The following IRAK1BP1 variants were observed in gnomAD, a reference collection of about 807,000 sequenced individuals.
The protein encoded by IRAK1BP1 is interleukin-1 receptor-associated kinase 1-binding protein 1.
In IRAK1BP1, 24 loss-of-function variants were observed where a neutral mutation model predicts 28.0. The ratio of observed to expected loss-of-function variants is 0.86; its 90% CI spans 0.62 to 1.20. The LOEUF (loss-of-function observed/expected upper bound fraction) is 1.20. Ranked by LOEUF, IRAK1BP1 falls within the 50% of genes most tolerant of loss-of-function variation. The pLI, the probability that IRAK1BP1 is intolerant of heterozygous loss-of-function variation, is 0.00. For synonymous variants in IRAK1BP1, 131 were observed against 116.3 expected (o/e 1.13, Z -0.81); for missense variants, 336 against 316.7 (o/e 1.06, Z -0.46).
At position 78,900,409 on chromosome 6, in the gene IRAK1BP1, A is replaced by G. The variant is rs1772055012; in HGVS notation, c.*2075A>G. The G allele has an allele frequency of 6.6e-6, 1 of 152,224 alleles. No individual in the cohort carries two copies. Among genetic ancestry groups the G allele is most frequent in the Admixed American group, 6.5e-5 (1 of 15,280 alleles). 9.4% of individuals were successfully genotyped at this position (152,224 alleles called of 1,614,324 possible). ...GTACTTTCTTACAACATATTCCAGT[A>G]TATAGTGTCCAGCTTCACCCACTTT... On this transcript the variant is annotated 3_prime_UTR_variant, in exon 4 of 4. Coordinates refer to ENST00000369940, the MANE Select transcript of IRAK1BP1 (RefSeq NM_001010844.4).
chr6:78,964,422 T>C, the IRAK1BP1 span, among the ~76,000 whole-genome samples: 2 of 152,188 alleles, frequency 1.3e-5, no homozygotes, highest in Non-Finnish European at 2.9e-5. Flanking sequence ...ATTTCTACTA[T>C]GTTAGAAATT....
the IRAK1BP1 span, among the ~76,000 whole-genome samples, chr6:78,964,824 T>C: frequency 6.6e-6 from 1 of 152,298 alleles, no homozygotes; most frequent in South Asian, 2.1e-4. Flanking sequence ...TCAAACAATA[T>C]AGAATAACGT....
At chr6:78,959,218 A>G in the IRAK1BP1 span, among the ~76,000 whole-genome samples, 3 of 152,148 alleles carry the variant, frequency 2.0e-5, no homozygotes, top group Non-Finnish European at 4.4e-5. Context: ...ATCCAAGGAC[A>G]ACTTTTGAGA....
rs1771971829 is a variant in IRAK1BP1 at position 78,898,333 on chromosome 6, GA to G, written c.*2del. 1 of 1,493,754 alleles carries G rather than the reference GA, an allele frequency of 6.7e-7. No homozygotes were observed. The highest frequency in any genetic ancestry group is 1.4e-5 in the African/African-American group (1 of 69,714). The allele number at this position is 1,493,754 out of a possible 1,614,324, so 92.5% of individuals were successfully genotyped here. On this transcript the variant is annotated frameshift_variant and stop_lost, in exon 4 of 4. Transcript: ENST00000369940. LOFTEE classifies it high-confidence loss of function. ...AAAGAGAAGAGAAAAAAGCACCTTT[GA>G]AATTCCAAACAAATTATATTGTACT... Reference protein sequence around the residue: ...KGKEKRKKHL* With the variant: ...KGKEKRKKHLX
intron 4 of IRAK1BP1, among the ~76,000 whole-genome samples, chr6:78,911,235 C>T (rs1236856733): frequency 6.6e-6 from 1 of 152,118 alleles, no homozygotes; most frequent in Non-Finnish European, 1.5e-5. Flanking sequence ...AGGGCAAATC[C>T]ATGCCAGAAC....
intron 2 of IRAK1BP1, among the ~76,000 whole-genome samples, chr6:78,894,021 A>G (rs1771792454): frequency 6.6e-6 from 1 of 152,240 alleles, no homozygotes; most frequent in Non-Finnish European, 1.5e-5. Context: ...GAACAGAAGT[A>G]CAGTGTTATA....
intron 4 of IRAK1BP1, chr6:78,940,203 C>A (rs1233862486): frequency 6.6e-6 from 1 of 152,010 alleles, no homozygotes; most frequent in African/African-American, 2.4e-5. Context: ...TTAGAGGAAA[C>A]ATTTCTTAAT....
intron 4 of IRAK1BP1, chr6:78,941,149 C>T (rs1351207556): frequency 6.2e-7 from 1 of 1,613,856 alleles, no homozygotes; most frequent in Non-Finnish European, 8.5e-7. Flanking sequence ...AATCTTCTGG[C>T]TTTGCATACT....
intron 4 of IRAK1BP1, among the ~76,000 whole-genome samples, chr6:78,930,879 C>A (rs866896328): frequency 6.6e-6 from 1 of 151,660 alleles, no homozygotes; most frequent in Admixed American, 6.6e-5. Context: ...GGCAGTGAGC[C>A]GAGATCGCAC....
At chr6:78,935,390 A>G (rs773901132) in intron 4 of IRAK1BP1, 50 of 449,710 alleles carry the variant, frequency 1.1e-4, no homozygotes, top group Non-Finnish European at 1.4e-4. Context: ...GTCAATAAAA[A>G]TGCATGCCAA....
the IRAK1BP1 span, chr6:78,957,802 A>C: frequency 6.6e-6 from 1 of 151,992 alleles, no homozygotes; most frequent in Admixed American, 6.6e-5. Flanking sequence ...GATTGCATAA[A>C]ATCCTTAAGA....
chr6:78,935,663 G>T, intron 4 of IRAK1BP1: 1 of 983,710 alleles, frequency 1.0e-6, no homozygotes, highest in South Asian at 4.7e-5. Flanking sequence ...ATTACATTTC[G>T]GCACCCAAAT....
chr6:78,955,462 G>T, the IRAK1BP1 span: 744 of 544,994 alleles, frequency 1.4e-3, no homozygotes, highest in Middle Eastern at 6.6e-3. Context: ...ACTATAAGAA[G>T]AATATTCTAC....
rs1389130622 is a variant in IRAK1BP1, at chr6:78,894,297, A to G, written c.382-3532A>G. ...TCCACATACCTTCATTAAAATACAG[A>G]TATTTTAAGTTAACTCCACTTACAT... On this transcript the variant is annotated intron_variant, in intron 2 of 3. Transcript: ENST00000369940. 3.3e-5 allele frequency among the ~76,000 whole-genome samples: 5 copies of G among 152,240 alleles called. No individual in the cohort carries two copies. The South Asian group carries it at 8.3e-4, about 25-fold the overall frequency.
intron 4 of IRAK1BP1, among the ~76,000 whole-genome samples, chr6:78,944,612 G>T (rs1030767779): frequency 6.6e-6 from 1 of 152,150 alleles, no homozygotes; most frequent in Non-Finnish European, 1.5e-5. Context: ...ATGACTCCCT[G>T]ATTTTAAGTT....
At chr6:78,910,701 C>G (rs1425903918) in intron 4 of IRAK1BP1, among the ~76,000 whole-genome samples, 1 of 152,236 alleles carries the variant, frequency 6.6e-6, no homozygotes, top group Non-Finnish European at 1.5e-5. Context: ...CTCACCTCGG[C>G]GTGGGGCGCA....
chr6:78,967,969 C>A, the IRAK1BP1 span, among the ~76,000 whole-genome samples: 266 of 151,572 alleles, frequency 1.8e-3, 1 homozygote, highest in African/African-American at 6.1e-3. Context: ...CCTGTCTCTA[C>A]TAAAAATACA....
intron 4 of IRAK1BP1, among the ~76,000 whole-genome samples, chr6:78,923,888 G>A (rs570519868): frequency 2.0e-4 from 30 of 152,192 alleles, no homozygotes; most frequent in East Asian, 7.7e-4. Context: ...AAGAGACAAC[G>A]TACCAGAATC....
chr6:78,941,760 G>A (rs528162712), intron 4 of IRAK1BP1, among the ~76,000 whole-genome samples: 54 of 152,146 alleles, frequency 3.5e-4, no homozygotes, highest in African/African-American at 1.3e-3. Flanking sequence ...GTAATAAATG[G>A]CAAATGACTA....
Sources: allele counts gnomAD v4.1 joint callset (sites outside exome capture counted in the v4.1 genomes callset), GRCh38; gene constraint gnomAD v4.1.1; transcripts MANE v1.5; gene names NCBI Gene and HGNC (gene_info 2026-07-23, HGNC 2026-07-21).